LRSAM1: variants seen among roughly 807,000 people sequenced by gnomAD.
LRSAM1 encodes the protein E3 ubiquitin-protein ligase LRSAM1.
Under a neutral mutation model 118.1 loss-of-function variants are expected in LRSAM1, and 96 were observed. That is an observed-to-expected ratio of 0.81 (90% CI 0.69 to 0.96). The LOEUF is 0.96. Ranked by LOEUF, LRSAM1 falls within the 40% of genes least tolerant of loss-of-function variation. LRSAM1 has a pLI of 0.00. For missense variants in LRSAM1, 804 were observed against 915.5 expected (o/e 0.88, Z 1.57); for synonymous variants, 322 against 364.2 (o/e 0.88, Z 1.32).
Position 127,482,975 on chromosome 9 carries a change from A to G in LRSAM1, c.1114A>G (p.Ile372Val). The change falls in exon 16 of 26, where the codon ATA (isoleucine) becomes GTA (valine). Residue 372 changes from isoleucine to valine, a missense_variant. Physicochemically the swap from Ile to Val is conservative, Grantham distance 29. Coordinates refer to ENST00000300417, the MANE Select transcript of LRSAM1 (RefSeq NM_001005373.4). Reference sequence around the variant, plus strand: ...AATAAGAATGGAACAGTTGATGTCCATAACCCAGGAGGAGACTGAGAGCCT... The same window carrying G: ...AATAAGAATGGAACAGTTGATGTCCGTAACCCAGGAGGAGACTGAGAGCCT... Reference protein sequence around the residue: ...ERIRMEQLMSITQEETESLRR... With the variant: ...ERIRMEQLMSVTQEETESLRR... 2 of 1,570,592 alleles carry G rather than the reference A, an allele frequency of 1.3e-6. No individual in the cohort carries two copies. Among genetic ancestry groups the G allele is most frequent in the East Asian group, 2.3e-5 (1 of 42,720 alleles).
At chr9:127,470,159 C>A (rs1331634969) in intron 10 of LRSAM1, among the ~76,000 whole-genome samples, 1 of 151,954 alleles carries the variant, frequency 6.6e-6, no homozygotes, top group Admixed American at 6.6e-5. Flanking sequence ...AGGTACATGC[C>A]TGTATTAGTC....
chr9:127,476,540 C>A (rs932337707), intron 11 of LRSAM1, among the ~76,000 whole-genome samples: 3 of 151,884 alleles, frequency 2.0e-5, no homozygotes, highest in Admixed American at 2.0e-4. Context: ...CAGAACTAGA[C>A]CCTATCTCAA....
At chr9:127,464,804 G>A (rs1251689911) in intron 9 of LRSAM1, among the ~76,000 whole-genome samples, 1 of 151,702 alleles carries the variant, frequency 6.6e-6, no homozygotes, top group Non-Finnish European at 1.5e-5. Flanking sequence ...CATCACTCTT[G>A]GCTAATTTTT....
chr9:127,487,664 T>C lies in LRSAM1; in HGVS notation c.1260-12T>C. 2 of 1,612,202 alleles carry C rather than the reference T, an allele frequency of 1.2e-6. No individual in the cohort carries two copies. The highest frequency in any genetic ancestry group is 1.7e-6 in the Non-Finnish European group (2 of 1,179,012). ...GTTCCAAGAATGAATGAATTTGCTG[T>C]CTTTCTGGCAGCATGGCCGAAATGG... On this transcript the variant is annotated splice_polypyrimidine_tract_variant and intron_variant, in intron 17 of 25. Coordinates refer to ENST00000300417, the MANE Select transcript of LRSAM1 (RefSeq NM_001005373.4).
chr9:127,454,493 C>T lies in LRSAM1; in HGVS notation c.-32-3C>T. 1 of 1,612,994 alleles carries T rather than the reference C, an allele frequency of 6.2e-7. No homozygotes were observed. The highest frequency in any genetic ancestry group is 8.5e-7 in the Non-Finnish European group (1 of 1,179,140). On this transcript the variant is annotated splice_polypyrimidine_tract_variant and splice_region_variant and intron_variant, in intron 2 of 25. Coordinates refer to ENST00000300417, the MANE Select transcript of LRSAM1 (RefSeq NM_001005373.4). Reference sequence around the variant, plus strand: ...AGTCCCTAACTTCTCTCCTGTGCCCCAGGGTCCTAAAGATCGCTCTGGGAA... The same window carrying T: ...AGTCCCTAACTTCTCTCCTGTGCCCTAGGGTCCTAAAGATCGCTCTGGGAA...
intron 14 of LRSAM1, among the ~76,000 whole-genome samples, chr9:127,480,334 G>C (rs1835491896): frequency 6.6e-6 from 1 of 152,184 alleles, no homozygotes; most frequent in African/African-American, 2.4e-5. Context: ...GTTGCACTGA[G>C]GTCAGCTGTT....
Position 127,465,740 on chromosome 9 carries a change from C to T in LRSAM1, c.529-2000C>T, listed in dbSNP as rs1367892221. Among the ~76,000 whole-genome samples the T allele has an allele frequency of 2.6e-5, 4 of 152,180 alleles. No homozygotes were observed. Among genetic ancestry groups the T allele is most frequent in the Non-Finnish European group, 5.9e-5 (4 of 68,036 alleles). On this transcript the variant is annotated intron_variant, in intron 9 of 25. Transcript: ENST00000300417. The surrounding 1 kb of genome is among the most constrained non-coding windows in gnomAD (Gnocchi z 4.1). ...GAGCTTCCCAGGCCTTCTCCTTTTC[C>T]AGGACTCCCCTGATACCCAGGCATA...
intron 9 of LRSAM1, among the ~76,000 whole-genome samples, chr9:127,466,495 TA>T (rs1564258694): frequency 0.14 from 4,523 of 31,938 alleles, 607 homozygotes; most frequent in Non-Finnish European, 0.19. Context: ...TATATATATA[TA>T]TATATATATT....
intron 11 of LRSAM1, among the ~76,000 whole-genome samples, chr9:127,478,181 C>T (rs1206610452): frequency 1.3e-5 from 2 of 152,106 alleles, no homozygotes; most frequent in African/African-American, 4.8e-5. Flanking sequence ...AATACCTGCT[C>T]CTTGTTATAA....
intron 23 of LRSAM1, among the ~76,000 whole-genome samples, chr9:127,497,027 C>A (rs758880511): frequency 3.9e-5 from 6 of 152,256 alleles, no homozygotes; most frequent in Non-Finnish European, 7.3e-5. Context: ...TTCCCCCCAA[C>A]CCCTGCCACA....
In LRSAM1 at chr9:127,492,813, G is replaced by C. The variant is rs140066362; in HGVS notation, c.1515G>C (p.Ser505=). Residue 505 remains serine, a synonymous_variant, in exon 21 of 26, where the codon TCG becomes TCC. Transcript: ENST00000300417. ...GGTCTTGTTCGCAGGAGATGATCTC[G>C]GAGCAGCGCTGGGCCCTCAGCTCCC... ...LDTESLQEMI[S]EQRWALSSLL... The C allele has an allele frequency of 1.9e-6, 3 of 1,613,806 alleles. No individual in the cohort carries two copies. Among genetic ancestry groups the C allele is most frequent in the East Asian group, 2.2e-5 (1 of 44,878 alleles).
chr9:127,466,716 C>T (rs1380104625), intron 9 of LRSAM1, among the ~76,000 whole-genome samples: 1 of 151,092 alleles, frequency 6.6e-6, no homozygotes, highest in Non-Finnish European at 1.5e-5. Context: ...ATGTATTTAT[C>T]CAAAGTGAAC....
intron 10 of LRSAM1, chr9:127,470,843 C>A (rs761729765): frequency 6.6e-6 from 1 of 152,198 alleles, no homozygotes; most frequent in Middle Eastern, 3.4e-3. Flanking sequence ...CACCTTTAAA[C>A]ATTCATCAAG....
chr9:127,497,502 C>A (rs1309202246), intron 24 of LRSAM1, among the ~76,000 whole-genome samples, 168 bp downstream of exon 24: 1 of 152,174 alleles, frequency 6.6e-6, no homozygotes, highest in Non-Finnish European at 1.5e-5. Context: ...ATCAGTGAGC[C>A]CATTTTACAG....
rs1376211966 is a variant in LRSAM1 at position 127,461,143 on chromosome 9, T to C, written c.322-30T>C. 3.2e-6 allele frequency: 5 copies of C among 1,582,518 alleles called. No individual in the cohort carries two copies. In the Admixed American group the frequency reaches 8.4e-5, roughly 27 times the overall value. On this transcript the variant is annotated intron_variant, in intron 7 of 25. Transcript: ENST00000300417. ...TGCTGGGATTACAGGCATAAGCCAC[T>C]GCGCCTGGCTGCCTCTTCCTCTTTC...
chr9:127,495,292 C>T (rs371799194), intron 21 of LRSAM1, 28 bp from the exon 22 acceptor site: 1 of 1,601,734 alleles, frequency 6.2e-7, no homozygotes, highest in East Asian at 2.2e-5. Context: ...CATTTTGTGA[C>T]TAACATTGCC....
chr9:127,474,069 C>T, intron 11 of LRSAM1, 138 bp downstream of exon 11: 3 of 1,392,834 alleles, frequency 2.2e-6, no homozygotes, highest in South Asian at 1.2e-5. Context: ...CTAGAACTGG[C>T]CTCCTGACGA....
rs114552588 is a variant in LRSAM1, at chr9:127,460,824, G to T, written c.322-349G>T. On this transcript the variant is annotated intron_variant, in intron 7 of 25. Coordinates refer to ENST00000300417, the MANE Select transcript of LRSAM1 (RefSeq NM_001005373.4). ...CACTGTGGTCTGTGTGTGGGTTCTCGTGTCACCTCTTCCTGTTTCTTTCTT... is the reference window on the plus strand; with the variant it reads ...CACTGTGGTCTGTGTGTGGGTTCTCTTGTCACCTCTTCCTGTTTCTTTCTT... Among the ~76,000 whole-genome samples, 405 of 147,856 alleles carry T rather than the reference G, an allele frequency of 2.7e-3. 4 individuals are homozygous for T. The highest frequency in any genetic ancestry group is 9.8e-3 in the African/African-American group (389 of 39,774).
intron 16 of LRSAM1, among the ~76,000 whole-genome samples, chr9:127,484,823 T>G (rs1000507262): frequency 6.6e-6 from 1 of 150,424 alleles, no homozygotes; most frequent in African/African-American, 2.4e-5. Flanking sequence ...TTTTTTTTTT[T>G]TTTGAGATAG....
Sources: gnomAD v4.1 joint callset for allele counts (sites outside exome capture counted in the v4.1 genomes callset) on GRCh38, gnomAD v4.1.1 for gene constraint, Gnocchi (gnomAD v3.1) non-coding constraint, MANE v1.5 for transcripts, NCBI Gene and HGNC (gene_info 2026-07-23, HGNC 2026-07-21) for gene names.